NHSL2: variants seen among roughly 807,000 people sequenced by gnomAD.
The protein encoded by NHSL2 is NHS-like protein 2.
In NHSL2, 27 loss-of-function variants were observed where a neutral mutation model predicts 53.4. The observed-to-expected ratio is 0.51, with a 90% CI of 0.37 to 0.70. The LOEUF (loss-of-function observed/expected upper bound fraction) is 0.70, where lower values mean the gene tolerates loss of function less well. NHSL2 is among the 30% of genes least tolerant of loss of function. The pLI is 0.00. For synonymous variants in NHSL2, 408 were observed against 404.1 expected (o/e 1.01, Z -0.12); for missense variants, 892 against 980.1 (o/e 0.91, Z 1.20).
rs186954131 is a variant in NHSL2, at chrX:71,926,237, C to T, written c.280+14870C>T. On this transcript the variant is annotated intron_variant, in intron 1 of 7. Transcript: ENST00000633930. ...CTATTTGAGAAATGAAAAAAATAGA[C>T]TCAGAGATATTAAAACTGACCTGCC... Among the ~76,000 whole-genome samples the T allele has an allele frequency of 3.6e-5, 4 of 111,899 alleles. No homozygotes were observed. In the Admixed American group the frequency reaches 3.8e-4, roughly 11 times the overall value.
intron 1 of NHSL2, among the ~76,000 whole-genome samples, chrX:72,114,783 C>T (rs1478699423): frequency 1.8e-5 from 2 of 112,223 alleles, no homozygotes. Context: ...GGAACCTTGG[C>T]GGCACATCAC....
At chrX:72,096,929 C>T (rs966383405) in intron 1 of NHSL2, among the ~76,000 whole-genome samples, 3 of 111,955 alleles carry the variant, frequency 2.7e-5, no homozygotes, top group Non-Finnish European at 5.6e-5. Context: ...AGAAATGATA[C>T]GTGATTTTTA....
chrX:72,128,548 T>C (rs2042250016), intron 1 of NHSL2: 1 of 112,808 alleles, frequency 8.9e-6, no homozygotes, highest in South Asian at 3.6e-4. Flanking sequence ...CCTGAGTTTG[T>C]ACCTAGAAGT....
At chrX:71,966,874 T>G in intron 1 of NHSL2, among the ~76,000 whole-genome samples, 1 of 112,049 alleles carries the variant, frequency 8.9e-6, no homozygotes, top group Non-Finnish European at 1.9e-5. Context: ...TGGTATAAAT[T>G]TTCCTTAAAT....
At chrX:72,086,054 A>C (rs1023899318) in intron 1 of NHSL2, among the ~76,000 whole-genome samples, 3 of 111,847 alleles carry the variant, frequency 2.7e-5, no homozygotes, top group African/African-American at 6.5e-5. Context: ...AGTTCACCTA[A>C]AGCACAGCTT....
chrX:72,083,630 C>A (rs2147427861), intron 1 of NHSL2, among the ~76,000 whole-genome samples: 1 of 112,254 alleles, frequency 8.9e-6, no homozygotes, highest in African/African-American at 3.2e-5. Flanking sequence ...AAGTGATACT[C>A]CTTTTGGTTT....
At chrX:72,044,185 C>A (rs1030693841) in intron 1 of NHSL2, among the ~76,000 whole-genome samples, 11 of 111,772 alleles carry the variant, frequency 9.8e-5, no homozygotes, top group African/African-American at 3.6e-4. Context: ...GTGGGCAAAG[C>A]GAGTGCAAAT....
intron 1 of NHSL2, among the ~76,000 whole-genome samples, chrX:72,002,080 G>GAA (rs753641015): frequency 6.6e-4 from 74 of 112,206 alleles, no homozygotes; most frequent in African/African-American, 2.3e-3. Context: ...TAGCTTCTTT[G>GAA]AAAAACAGAA....
intron 1 of NHSL2, among the ~76,000 whole-genome samples, chrX:72,060,366 C>T (rs929479821): frequency 4.4e-5 from 5 of 112,384 alleles, no homozygotes; most frequent in Non-Finnish European, 9.4e-5. Context: ...GTGAAACTCA[C>T]ACTACCTCAG....
intron 1 of NHSL2, among the ~76,000 whole-genome samples, chrX:72,084,689 C>A (rs374700095): frequency 8.9e-6 from 1 of 112,137 alleles, no homozygotes; most frequent in African/African-American, 3.2e-5. Flanking sequence ...CAGTCCTGAA[C>A]GGGAATCTGG....
intron 1 of NHSL2, among the ~76,000 whole-genome samples, chrX:72,060,759 C>G (rs1190668902): frequency 8.9e-6 from 1 of 112,878 alleles, no homozygotes; most frequent in Admixed American, 9.3e-5. Context: ...AGGCCTCAAG[C>G]TGATTCAAGG....
chrX:72,009,182 G>A (rs2042106070), intron 1 of NHSL2, among the ~76,000 whole-genome samples: 1 of 112,763 alleles, frequency 8.9e-6, no homozygotes, highest in South Asian at 3.6e-4. Flanking sequence ...TGGAGGGAGT[G>A]CTCACAGGAA....
chrX:72,131,524 C>T, intron 1 of NHSL2: 1 of 1,189,399 alleles, frequency 8.4e-7, no homozygotes, highest in Non-Finnish European at 1.1e-6. Context: ...GTTGAGATTT[C>T]CTGACGCCTC....
chrX:71,942,999 TGTG>T (rs2041775616), intron 1 of NHSL2, among the ~76,000 whole-genome samples: 1 of 108,461 alleles, frequency 9.2e-6, no homozygotes, highest in Admixed American at 9.8e-5. Context: ...TGTGTGTGTG[TGTG>T]TGTGTCTTTC....
chrX:72,113,361 G>T (rs906523897), intron 1 of NHSL2, among the ~76,000 whole-genome samples: 5 of 111,279 alleles, frequency 4.5e-5, no homozygotes, highest in Admixed American at 3.8e-4. Context: ...CGACTCCCCT[G>T]TGGACCAAAT....
chrX:72,131,200 G>T (rs1441777439), intron 1 of NHSL2: 31 of 1,194,840 alleles, frequency 2.6e-5, no homozygotes, highest in Non-Finnish European at 3.5e-5. Context: ...GGGCCCGTCG[G>T]GGGTGCTGCG....
rs567767978 is a variant in NHSL2 at position 72,036,123 on chromosome X, A to G, written c.281-95956A>G. On this transcript the variant is annotated intron_variant, in intron 1 of 7. Transcript: ENST00000633930. ...CCCATCTGTGGAAAAATTGTCTTCC[A>G]TGAAACCAGTCCCTGGTGACAGAGG... is the stretch of plus-strand genomic sequence containing the variant. Among the ~76,000 whole-genome samples, 57 of 112,485 alleles carry G rather than the reference A, an allele frequency of 5.1e-4. 1 individual carries two copies. The South Asian group carries it at 0.021, about 40-fold the overall frequency.
chrX:71,954,569 C>T (rs893693980), intron 1 of NHSL2, among the ~76,000 whole-genome samples: 1 of 112,105 alleles, frequency 8.9e-6, no homozygotes, highest in African/African-American at 3.2e-5. Context: ...TGGAGGGCCT[C>T]GGGCTGGGCC....
chrX:72,086,258 G>A (rs944730244), intron 1 of NHSL2, among the ~76,000 whole-genome samples: 1 of 111,898 alleles, frequency 8.9e-6, no homozygotes, highest in Non-Finnish European at 1.9e-5. Flanking sequence ...TTTCTCTTTG[G>A]ATCTACCAAA....
Sources: gnomAD v4.1 joint callset for allele counts (sites outside exome capture counted in the v4.1 genomes callset) on GRCh38, gnomAD v4.1.1 for gene constraint, MANE v1.5 for transcripts, NCBI Gene and HGNC (gene_info 2026-07-23, HGNC 2026-07-21) for gene names.